TAF3: variants seen among roughly 807,000 people sequenced by gnomAD.
TAF3 encodes the protein TATA-box binding protein associated factor 3, also known as transcription initiation factor TFIID subunit 3.
In TAF3, 7 loss-of-function variants were observed where a neutral mutation model predicts 80.6. The observed-to-expected ratio is 0.09, with a 90% CI of 0.05 to 0.16. The LOEUF is 0.16. TAF3 is among the 10% of genes least tolerant of loss of function. TAF3 has a pLI of 1.00. For synonymous variants in TAF3, 444 were observed against 446.1 expected (o/e 1.00, Z 0.06); for missense variants, 921 against 1,140.2 (o/e 0.81, Z 2.77).
rs900058047 is a variant in TAF3 at position 8,014,927 on chromosome 10, C to T, written c.*176C>T. On this transcript the variant is annotated 3_prime_UTR_variant, in exon 7 of 7. Coordinates refer to ENST00000344293, the MANE Select transcript of TAF3 (RefSeq NM_031923.4). ...ACCTGGATTGTTCACTCCCGAGCCG[C>T]CTTGGCCTGTGGCTCCGTGGCAGTG... The T allele has an allele frequency of 2.8e-5, 15 of 532,102 alleles. No homozygotes were observed. The highest frequency in any genetic ancestry group is 4.6e-5 in the Non-Finnish European group (14 of 304,864). The allele number at this position is 532,102 out of a possible 1,614,324, so 33.0% of individuals were successfully genotyped here. A position where few individuals can be genotyped will look rare whatever the true frequency, so the allele number is the denominator to read the frequency against.
chr10:7,859,154 G>C (rs556900253), intron 2 of TAF3, among the ~76,000 whole-genome samples: 5 of 151,900 alleles, frequency 3.3e-5, no homozygotes, highest in African/African-American at 1.2e-4. Context: ...CCAGTTACTC[G>C]GGAGGCTGAG....
chr10:7,877,478 A>G (rs1837321802), intron 2 of TAF3, among the ~76,000 whole-genome samples: 1 of 152,352 alleles, frequency 6.6e-6, no homozygotes, highest in South Asian at 2.1e-4. Flanking sequence ...TTTAAGACAC[A>G]TAGAAAAAAT....
chr10:7,884,403 TGAGATGGAGTTTTGC>T (rs1837389365), intron 2 of TAF3, among the ~76,000 whole-genome samples: 12 of 149,410 alleles, frequency 8.0e-5, no homozygotes, highest in South Asian at 2.1e-4. Context: ...TTTTTTTTTT[TGAGATGGAGTTTTGC>T]TTTTGTTGCC....
chr10:7,959,824 A>G (rs970820836), intron 2 of TAF3, among the ~76,000 whole-genome samples: 1 of 152,194 alleles, frequency 6.6e-6, no homozygotes, highest in Non-Finnish European at 1.5e-5. Context: ...TATACAGAAA[A>G]ATCCAAATTT....
At chr10:7,915,808 G>A (rs7916621) in intron 2 of TAF3, among the ~76,000 whole-genome samples, 85,634 of 151,084 alleles carry the variant, frequency 0.57, 25,733 homozygotes, top group East Asian at 0.71. Flanking sequence ...GTGAAATCTC[G>A]TCTCTACTAA....
chr10:7,996,288 G>A (rs988392667), intron 4 of TAF3, among the ~76,000 whole-genome samples: 5 of 152,260 alleles, frequency 3.3e-5, no homozygotes, highest in East Asian at 1.9e-4. Flanking sequence ...AGGAGGCTCC[G>A]GGGACCTCTT....
At position 7,964,395 on chromosome 10, in the gene TAF3, C is replaced by T. The variant is rs1383048309; in HGVS notation, c.885C>T (p.Val295=). Residue 295 remains valine (V), a synonymous_variant, in exon 3 of 7, where the codon GTC becomes GTT. Coordinates refer to ENST00000344293, the MANE Select transcript of TAF3 (RefSeq NM_031923.4). This position sits in a 1 kb window ranked among gnomAD's most constrained non-coding sequence, Gnocchi z 4.1. ...AAACCGCCCAGTCACCAGCAATGGT[C>T]GGAAGTCCTATTCGATCACCAAAAA... ...SPKTAQSPAM[V]GSPIRSPKTV... 16 of 1,613,918 alleles carry T rather than the reference C, an allele frequency of 9.9e-6. No individual in the cohort carries two copies. The highest frequency in any genetic ancestry group is 2.2e-5 in the East Asian group (1 of 44,894).
intron 4 of TAF3, among the ~76,000 whole-genome samples, chr10:8,006,223 CAA>C (rs1218544576): frequency 1.5e-4 from 21 of 140,632 alleles, no homozygotes; most frequent in Non-Finnish European, 3.1e-4. Context: ...CACACACACA[CAA>C]ATTAGCTGGG....
rs763961824 is a variant in TAF3, at chr10:7,818,684, G to A, written c.-26G>A. 6.3e-7 allele frequency: 1 copy of A among 1,598,278 alleles called. No individual in the cohort carries two copies. Among genetic ancestry groups the A allele is most frequent in the Admixed American group, 1.7e-5 (1 of 57,766 alleles). On this transcript the variant is annotated 5_prime_UTR_variant, in exon 1 of 7. Transcript: ENST00000344293. ...GGGGCTGGAGAGCAGTGGCAGCAAGGGCTGCGGTGGCGTCCACGCAGCGGG... is the reference window on the plus strand; with the variant it reads ...GGGGCTGGAGAGCAGTGGCAGCAAGAGCTGCGGTGGCGTCCACGCAGCGGG...
intron 4 of TAF3, among the ~76,000 whole-genome samples, chr10:7,997,614 C>T (rs995434003): frequency 5.3e-5 from 8 of 152,116 alleles, no homozygotes; most frequent in Non-Finnish European, 8.8e-5. Context: ...TTATGAATAA[C>T]GCCAGTGTTT....
intron 2 of TAF3, among the ~76,000 whole-genome samples, chr10:7,857,221 C>G (rs1837089644): frequency 6.6e-6 from 1 of 152,262 alleles, no homozygotes; most frequent in African/African-American, 2.4e-5. Flanking sequence ...TTTCTGAATA[C>G]TGGAAGAATA....
At chr10:7,955,093 T>C (rs1279245051) in intron 2 of TAF3, among the ~76,000 whole-genome samples, 1 of 152,200 alleles carries the variant, frequency 6.6e-6, no homozygotes, top group African/African-American at 2.4e-5. Context: ...TTAGTGGCAT[T>C]GAGTCACTTC....
intron 3 of TAF3, among the ~76,000 whole-genome samples, chr10:7,969,925 A>G (rs1351322588): frequency 1.3e-5 from 2 of 152,086 alleles, no homozygotes; most frequent in African/African-American, 4.8e-5. Flanking sequence ...CTCCCATTCA[A>G]AACTAGGAAG....
chr10:7,843,720 G>T (rs1234771616), intron 2 of TAF3, among the ~76,000 whole-genome samples: 1 of 146,886 alleles, frequency 6.8e-6, no homozygotes, highest in Non-Finnish European at 1.5e-5. Flanking sequence ...TTGTGCTTAT[G>T]TCACACATAC....
intron 1 of TAF3, among the ~76,000 whole-genome samples, chr10:7,823,868 T>C (rs1836714118): frequency 6.6e-6 from 1 of 151,694 alleles, no homozygotes; most frequent in Non-Finnish European, 1.5e-5. Flanking sequence ...CCCTTGACCT[T>C]GTGATCCGCC....
intron 3 of TAF3, among the ~76,000 whole-genome samples, chr10:7,972,452 G>T (rs188866862): frequency 1.1e-3 from 172 of 152,218 alleles, no homozygotes; most frequent in Admixed American, 3.5e-3. Flanking sequence ...ATCCTGGTTT[G>T]CCTGGGACAA....
chr10:7,932,824 T>C (rs114580542), intron 2 of TAF3, among the ~76,000 whole-genome samples: 19 of 152,120 alleles, frequency 1.2e-4, no homozygotes, highest in Admixed American at 1.1e-3. Context: ...AATACAGATA[T>C]GCACTACCAC....
chr10:8,007,256 CAT>C (rs762900626), intron 4 of TAF3, among the ~76,000 whole-genome samples: 26 of 151,976 alleles, frequency 1.7e-4, no homozygotes, highest in South Asian at 6.3e-4. Flanking sequence ...AATCAGGAGA[CAT>C]AAAACTAAGT....
At chr10:7,828,466 T>G (rs1266268689) in intron 2 of TAF3, among the ~76,000 whole-genome samples, 3 of 152,196 alleles carry the variant, frequency 2.0e-5, no homozygotes, top group African/African-American at 7.2e-5. Context: ...ATTTTATACA[T>G]GCATATTTTT....
Sources: gnomAD v4.1 joint callset for allele counts (sites outside exome capture counted in the v4.1 genomes callset) on GRCh38, gnomAD v4.1.1 for gene constraint, Gnocchi (gnomAD v3.1) non-coding constraint, MANE v1.5 for transcripts, NCBI Gene and HGNC (gene_info 2026-07-23, HGNC 2026-07-21) for gene names.